Variants in IFT122 observed in about 807,000 individuals in gnomAD.
The protein encoded by IFT122 is intraflagellar transport protein 122 homolog.
A neutral mutation model predicts 161.6 loss-of-function variants in IFT122; 118 were observed. That is an observed-to-expected ratio of 0.73 (90% CI 0.63 to 0.85). The LOEUF is 0.85. Ranked by LOEUF, IFT122 falls within the 40% of genes least tolerant of loss-of-function variation. The probability of loss-of-function intolerance (pLI) is 0.00; values close to 1 mark genes in which losing one functional copy is unlikely to be tolerated. For missense variants in IFT122, 1,381 were observed against 1,579.6 expected, an observed-to-expected ratio of 0.87 and a Z score of 2.13; for synonymous variants, 550 against 602.4, an observed-to-expected ratio of 0.91 and a Z score of 1.27.
intron 7 of IFT122, among the ~76,000 whole-genome samples, chr3:129,465,465 C>CTTTTTTTT (rs61439083): frequency 9.9e-6 from 1 of 101,246 alleles, no homozygotes; most frequent in Non-Finnish European, 1.8e-5. Context: ...ATTATATGCT[C>CTTTTTTTT]TTTTTTTTTT....
chr3:129,442,396 G>A (rs1031001616), intron 1 of IFT122, among the ~76,000 whole-genome samples: 2 of 151,984 alleles, frequency 1.3e-5, no homozygotes, highest in Admixed American at 1.3e-4. Context: ...GAAATACTGT[G>A]GGTAGATGTA....
At position 129,492,207 on chromosome 3, in the gene IFT122, G is replaced by A. The variant is rs748171353; in HGVS notation, c.2046+13G>A. The A allele has an allele frequency of 2.5e-6, 4 of 1,606,864 alleles. No homozygotes were observed. Among genetic ancestry groups the A allele is most frequent in the Non-Finnish European group, 3.4e-6 (4 of 1,173,488 alleles). On this transcript the variant is annotated intron_variant, in intron 17 of 29. Coordinates refer to ENST00000348417, the MANE Select transcript of IFT122 (RefSeq NM_052989.3). ...CAGCAGCATTGAGGTAAAAGATGAA[G>A]CATTTTTCCTTCTCAAGAAGGCATA...
In IFT122 at chr3:129,470,238, T is replaced by TTTTA. The variant is rs143376223; in HGVS notation, c.816+849_816+852dup. On this transcript the variant is annotated intron_variant, in intron 9 of 29. Transcript: ENST00000348417. ...TGAAGAGGAACATGGGGGTATGATT[T>TTTTA]TTTATTTATTTATTTATTTATTTAT... Among the ~76,000 whole-genome samples, 317 of 151,294 alleles carry TTTTA rather than the reference T, an allele frequency of 2.1e-3. 2 individuals are homozygous for TTTTA. The highest frequency in any genetic ancestry group is 5.8e-3 in the East Asian group (30 of 5,156).
At chr3:129,464,937 C>T (rs922991531) in intron 7 of IFT122, among the ~76,000 whole-genome samples, 156 bp downstream of exon 7, 1 of 151,808 alleles carries the variant, frequency 6.6e-6, no homozygotes, top group Non-Finnish European at 1.5e-5. Context: ...TTTTAATAGT[C>T]CCGCTACCTG....
chr3:129,451,931 T>TG lies in IFT122; in HGVS notation c.128dup (p.Thr44HisfsTer31). 2 of 1,613,988 alleles carry TG rather than the reference T, an allele frequency of 1.2e-6. No individual in the cohort carries two copies. The highest frequency in any genetic ancestry group is 1.7e-6 in the Non-Finnish European group (2 of 1,179,816). On this transcript the variant is annotated frameshift_variant, in exon 3 of 30. Coordinates refer to ENST00000348417, the MANE Select transcript of IFT122 (RefSeq NM_052989.3). LOFTEE classifies it high-confidence loss of function. ...TTTGCCAGGTTTATGACACCTCTGA[T>TG]GGCACCTTACTTCAGCCCCTCAAGG... is the stretch of plus-strand genomic sequence containing the variant.
At chr3:129,494,890 G>T (rs528394547) in intron 17 of IFT122, among the ~76,000 whole-genome samples, 1 of 152,292 alleles carries the variant, frequency 6.6e-6, no homozygotes, top group African/African-American at 2.4e-5. Flanking sequence ...TCACTGAGAG[G>T]AATAAAGGGG....
intron 1 of IFT122, among the ~76,000 whole-genome samples, chr3:129,441,013 C>G (rs1375917790): frequency 6.6e-6 from 1 of 152,160 alleles, no homozygotes; most frequent in Non-Finnish European, 1.5e-5. Flanking sequence ...TCAAAATGAG[C>G]ACCAAACACA....
intron 3 of IFT122, 31 bp downstream of exon 3, chr3:129,452,029 A>G (rs775372209): frequency 2.1e-5 from 30 of 1,425,982 alleles, no homozygotes; most frequent in Non-Finnish European, 2.7e-5. Context: ...TCCATTCTCT[A>G]TAATAGCCTC....
At chr3:129,500,591 C>A (rs2081404955) in intron 19 of IFT122, among the ~76,000 whole-genome samples, 1 of 152,134 alleles carries the variant, frequency 6.6e-6, no homozygotes, top group African/African-American at 2.4e-5. Flanking sequence ...ATGGGAGGAA[C>A]CATGGATATC....
chr3:129,515,260 A>C, intron 25 of IFT122: 1 of 616,876 alleles, frequency 1.6e-6, no homozygotes, highest in Non-Finnish European at 3.0e-6. Context: ...CTGCCTGTGC[A>C]GGTGTCTTGG....
chr3:129,468,280 T>C (rs2077006215), intron 8 of IFT122, among the ~76,000 whole-genome samples: 1 of 152,086 alleles, frequency 6.6e-6, no homozygotes, highest in Admixed American at 6.5e-5. Flanking sequence ...TCAGAAAAGC[T>C]GGAATTAATA....
At chr3:129,474,306 A>C (rs2077673554) in intron 9 of IFT122, among the ~76,000 whole-genome samples, 1 of 152,228 alleles carries the variant, frequency 6.6e-6, no homozygotes, top group African/African-American at 2.4e-5. Context: ...TTAAGAACTT[A>C]AGGAGAAACC....
In IFT122 at chr3:129,449,861, T is replaced by G. The variant is rs1435120476; in HGVS notation, c.42-10T>G. Reference sequence around the variant, plus strand: ...TTCCTAATTGTCTTTTTCCCTTGTCTTCTGTTCAGTATAAATGACATCGCA... The same window carrying G: ...TTCCTAATTGTCTTTTTCCCTTGTCGTCTGTTCAGTATAAATGACATCGCA... On this transcript the variant is annotated splice_polypyrimidine_tract_variant and intron_variant, in intron 1 of 29. Transcript: ENST00000348417. The G allele has an allele frequency of 6.2e-7, 1 of 1,607,530 alleles. No homozygotes were observed.
At chr3:129,444,192 G>GT (rs1188675983) in intron 1 of IFT122, among the ~76,000 whole-genome samples, 1 of 152,170 alleles carries the variant, frequency 6.6e-6, no homozygotes, top group African/African-American at 2.4e-5. Flanking sequence ...CTGGCCCCAC[G>GT]TCCCCCCTAC....
chr3:129,466,869 A>G (rs1288480763), intron 7 of IFT122, 21 bp from the exon 8 acceptor site: 1 of 1,610,930 alleles, frequency 6.2e-7, no homozygotes, highest in African/African-American at 1.3e-5. Context: ...GTAATTTTGA[A>G]CAACTACTTA....
chr3:129,507,897 T>C (rs2082351236), intron 23 of IFT122, 135 bp downstream of exon 23: 3 of 724,328 alleles, frequency 4.1e-6, no homozygotes, highest in Middle Eastern at 4.6e-4. Flanking sequence ...CTTGGTCTCC[T>C]CTGGGAAGAA....
At chr3:129,481,931 A>G (rs1263082161) in intron 14 of IFT122, among the ~76,000 whole-genome samples, 1 of 151,950 alleles carries the variant, frequency 6.6e-6, no homozygotes, top group Non-Finnish European at 1.5e-5. Flanking sequence ...GCCAATGGAA[A>G]CCGAAGGCTC....
intron 16 of IFT122, among the ~76,000 whole-genome samples, chr3:129,489,383 G>A (rs966785656): frequency 3.9e-5 from 6 of 152,196 alleles, no homozygotes; most frequent in Admixed American, 2.0e-4. Context: ...CTGCAGTCAT[G>A]AGGCTTAACT....
rs767312059 is a variant in IFT122, at chr3:129,515,600, G to A, written c.3265+1G>A. The A allele has an allele frequency of 9.0e-6, 13 of 1,441,292 alleles. No individual in the cohort carries two copies. Among genetic ancestry groups the A allele is most frequent in the Non-Finnish European group, 1.2e-5 (12 of 1,025,386 alleles). 89.3% of individuals were successfully genotyped at this position (1,441,292 alleles called of 1,614,324 possible). A position where few individuals can be genotyped will look rare whatever the true frequency, so the allele number is the denominator to read the frequency against. On this transcript the variant is annotated splice_donor_variant, in intron 26 of 29. Transcript: ENST00000348417. LOFTEE classifies it high-confidence loss of function. ...TTCATCTTCTCCGCCTCTTCCTACG[G>A]TGAGTCCCTGCATCCTGAGCATGTG...
Sources: allele counts gnomAD v4.1 joint callset (sites outside exome capture counted in the v4.1 genomes callset), GRCh38; gene constraint gnomAD v4.1.1; transcripts MANE v1.5; gene names NCBI Gene and HGNC (gene_info 2026-07-23, HGNC 2026-07-21).